The following TMPO variants were observed in gnomAD, a reference collection of about 807,000 sequenced individuals.
TMPO encodes the protein thymopoietin.
Under a neutral mutation model 45.4 loss-of-function variants are expected in TMPO, and 22 were observed. That is an observed-to-expected ratio of 0.48 (90% CI 0.35 to 0.69). The LOEUF (loss-of-function observed/expected upper bound fraction) is 0.69. Among genes scored for constraint, TMPO ranks in the 30% least tolerant of loss-of-function variants. TMPO has a pLI of 0.01. For missense variants in TMPO, 512 were observed against 548.8 expected (o/e 0.93, Z 0.67); for synonymous variants, 241 against 204.1 (o/e 1.18, Z -1.54).
At chr12:98,536,562 C>A (rs1007042314) in intron 3 of TMPO, among the ~76,000 whole-genome samples, 1 of 152,038 alleles carries the variant, frequency 6.6e-6, no homozygotes, top group African/African-American at 2.4e-5. Flanking sequence ...CCATGTTGGC[C>A]AGGATGGTCT....
Position 98,520,119 on chromosome 12 carries a change from C to T in TMPO, c.279+3973C>T, listed in dbSNP as rs557935812. 2.2e-3 allele frequency among the ~76,000 whole-genome samples: 332 copies of T among 150,948 alleles called. 4 individuals are homozygous for T. Among genetic ancestry groups the T allele is most frequent in the African/African-American group, 7.7e-3 (315 of 41,080 alleles). ...GGATTACAGGTGCCCACCACTGCGC[C>T]CGGCTAATTTTTGTATTTTTAGTGG... On this transcript the variant is annotated intron_variant, in intron 1 of 8. Transcript: ENST00000556029.
chr12:98,541,242 A>G (rs551059952), intron 4 of TMPO, among the ~76,000 whole-genome samples: 6 of 152,162 alleles, frequency 3.9e-5, no homozygotes, highest in Non-Finnish European at 4.4e-5. Context: ...CTTTTAATAG[A>G]TAATACTATT....
chr12:98,515,627 C>G lies in TMPO; in HGVS notation c.-241C>G. ...TCGCCTCCTGCCTGTAGTGTGTGGG[C>G]TGGGGTTGGTGCGAGCTTCCAGCTT... On this transcript the variant is annotated 5_prime_UTR_variant, in exon 1 of 9. Transcript: ENST00000556029. The G allele has an allele frequency of 2.9e-6, 2 of 697,376 alleles. No homozygotes were observed. The highest frequency in any genetic ancestry group is 1.9e-5 in the South Asian group (1 of 53,110). 43.2% of individuals were successfully genotyped at this position (697,376 alleles called of 1,614,324 possible). A position where few individuals can be genotyped will look rare whatever the true frequency, so the allele number is the denominator to read the frequency against.
intron 4 of TMPO, among the ~76,000 whole-genome samples, chr12:98,538,570 C>T (rs1877713967): frequency 6.6e-6 from 1 of 152,074 alleles, no homozygotes; most frequent in Non-Finnish European, 1.5e-5. Flanking sequence ...CCAGGCTGGT[C>T]TCAAACTCCT....
chr12:98,546,682 G>A (rs760392986), intron 8 of TMPO, among the ~76,000 whole-genome samples: 8 of 152,066 alleles, frequency 5.3e-5, no homozygotes, highest in African/African-American at 1.7e-4. Flanking sequence ...TCTACCCACC[G>A]ACTTTTAAAT....
intron 3 of TMPO, chr12:98,534,089 C>G: frequency 6.2e-7 from 1 of 1,612,222 alleles, no homozygotes; most frequent in African/African-American, 1.3e-5. Context: ...CCTAGTCGTA[C>G]CCACCAAGCG....
intron 1 of TMPO, among the ~76,000 whole-genome samples, chr12:98,526,433 G>C (rs1210328016): frequency 2.0e-5 from 3 of 152,148 alleles, no homozygotes; most frequent in African/African-American, 7.2e-5. Flanking sequence ...TTATACTTCA[G>C]ATCATCTCTA....
rs1300933995 is a variant in TMPO, at chr12:98,544,244, T to C, written c.678T>C (p.Ala226=). The C allele has an allele frequency of 6.2e-7, 1 of 1,613,898 alleles. No individual in the cohort carries two copies. The highest frequency in any genetic ancestry group is 8.5e-7 in the Non-Finnish European group (1 of 1,179,838). Reference sequence around the variant, plus strand: ...TGCTTGAATAGAGCTATTCTCAAGCTGGAATAACTGAGACTGAATGGACAA... The same window carrying C: ...TGCTTGAATAGAGCTATTCTCAAGCCGGAATAACTGAGACTGAATGGACAA... ...RVEHNQSYSQ[A]GITETEWTSG... The change falls in exon 5 of 9, where the codon GCT becomes GCC. Residue 226 remains alanine (A), a synonymous_variant. Transcript: ENST00000556029.
At chr12:98,529,845 C>G (rs1877060214) in intron 2 of TMPO, among the ~76,000 whole-genome samples, 1 of 152,174 alleles carries the variant, frequency 6.6e-6, no homozygotes, top group Admixed American at 6.5e-5. Flanking sequence ...AGGCATGAGT[C>G]ACTGCATCTG....
chr12:98,537,930 C>T (rs1481016386), intron 4 of TMPO, among the ~76,000 whole-genome samples: 3 of 152,158 alleles, frequency 2.0e-5, no homozygotes, highest in Non-Finnish European at 4.4e-5. Flanking sequence ...GTCTTTGTCT[C>T]TAGATTTCTG....
chr12:98,539,554 A>C (rs1326186452), intron 4 of TMPO, among the ~76,000 whole-genome samples: 1 of 147,296 alleles, frequency 6.8e-6, no homozygotes, highest in South Asian at 2.2e-4. Context: ...CTCACTTGCA[A>C]CCTCCGCCTC....
intron 1 of TMPO, among the ~76,000 whole-genome samples, chr12:98,520,461 T>C (rs1198350556): frequency 6.6e-6 from 1 of 151,830 alleles, no homozygotes; most frequent in Non-Finnish European, 1.5e-5. Flanking sequence ...CACACACCAC[T>C]ACTCCTGGTT....
chr12:98,532,808 C>CT (rs780700768), intron 3 of TMPO: 1 of 1,614,154 alleles, frequency 6.2e-7, no homozygotes, highest in Non-Finnish European at 8.5e-7. Context: ...CTTCCTGCCT[C>CT]TTTTGCCTCT....
At chr12:98,519,236 C>T (rs1417237554) in intron 1 of TMPO, among the ~76,000 whole-genome samples, 1 of 151,872 alleles carries the variant, frequency 6.6e-6, no homozygotes, top group Non-Finnish European at 1.5e-5. Context: ...TGTTCTGAGA[C>T]GGAGTCTCCA....
rs541475493 is a variant in TMPO at position 98,520,819 on chromosome 12, G to A, written c.279+4673G>A. Among the ~76,000 whole-genome samples, 30 of 152,020 alleles carry A rather than the reference G, an allele frequency of 2.0e-4. 1 individual carries two copies. The highest frequency in any genetic ancestry group is 6.6e-4 in the Admixed American group (10 of 15,258). On this transcript the variant is annotated intron_variant, in intron 1 of 8. Coordinates refer to ENST00000556029, the MANE Select transcript of TMPO (RefSeq NM_001032283.3). Reference sequence around the variant, plus strand: ...TATCTCCTGATCTGGTGATCTGCCCGCCTCGGCCTCCCAGAGTTCTGGAAT... The same window carrying A: ...TATCTCCTGATCTGGTGATCTGCCCACCTCGGCCTCCCAGAGTTCTGGAAT...
intron 3 of TMPO, chr12:98,532,085 C>T (rs1035266281): frequency 7.5e-5 from 33 of 439,958 alleles, no homozygotes; most frequent in Non-Finnish European, 1.3e-4. Context: ...TGCTACAAAT[C>T]TCATTTTTCT....
chr12:98,528,018 T>C lies in TMPO; in HGVS notation c.406+6T>C. ...GAATCCTGGTCCTATTGTGGGTAAG[T>C]TGATAAAATTTCAAATACAGTATCT... is the stretch of plus-strand genomic sequence containing the variant. On this transcript the variant is annotated splice_donor_region_variant and intron_variant, in intron 2 of 8. Transcript: ENST00000556029. 6.2e-7 allele frequency: 1 copy of C among 1,613,822 alleles called. No homozygotes were observed. The highest frequency in any genetic ancestry group is 8.5e-7 in the Non-Finnish European group (1 of 1,179,868).
chr12:98,536,220 C>T (rs1441028523), intron 3 of TMPO, among the ~76,000 whole-genome samples: 1 of 152,142 alleles, frequency 6.6e-6, no homozygotes, highest in Non-Finnish European at 1.5e-5. Context: ...GTTCAGAGTT[C>T]ATGTAAAACT....
intron 3 of TMPO, among the ~76,000 whole-genome samples, chr12:98,532,497 T>C (rs1453623810): frequency 6.6e-6 from 1 of 151,704 alleles, no homozygotes; most frequent in Admixed American, 6.6e-5. Flanking sequence ...ACTATATTTT[T>C]AGTAGACTGT....
Sources: allele counts gnomAD v4.1 joint callset (sites outside exome capture counted in the v4.1 genomes callset), GRCh38; gene constraint gnomAD v4.1.1; transcripts MANE v1.5; gene names NCBI Gene and HGNC (gene_info 2026-07-23, HGNC 2026-07-21).